C2CD4A: variants seen among roughly 807,000 people sequenced by gnomAD.
C2CD4A encodes the protein C2 calcium-dependent domain-containing protein 4A.
A neutral mutation model predicts 0.4 loss-of-function variants in C2CD4A; 2 were observed. That is an observed-to-expected ratio of 4.45 (90% confidence interval 1.82 to 13.99). The LOEUF (loss-of-function observed/expected upper bound fraction) is 13.99, where lower values mean the gene tolerates loss of function less well. Among genes scored for constraint, C2CD4A ranks in the 30% most tolerant of loss-of-function variants. The pLI is 0.04. For missense variants in C2CD4A, 610 were observed against 574.2 expected, an observed-to-expected ratio of 1.06 and a Z score of -0.64; for synonymous variants, 297 against 280.8, an observed-to-expected ratio of 1.06 and a Z score of -0.58.
chr15:62,070,313 T>G lies in C2CD4A; in HGVS notation c.*1590T>G, dbSNP rs2049075631. The G allele has an allele frequency of 9.7e-6, 4 of 413,106 alleles. No homozygotes were observed. Among genetic ancestry groups the G allele is most frequent in the Non-Finnish European group, 1.8e-5 (4 of 226,174 alleles). 25.6% of individuals were successfully genotyped at this position (413,106 alleles called of 1,614,324 possible). Reference sequence around the variant, plus strand: ...GTTTCTGCTTTATTTTATTTCATTTTATCTTTTAGAAACAAGGCGTCACTC... The same window carrying G: ...GTTTCTGCTTTATTTTATTTCATTTGATCTTTTAGAAACAAGGCGTCACTC... On this transcript the variant is annotated 3_prime_UTR_variant, in exon 2 of 2. Transcript: ENST00000355522.
rs1347260393 is a variant in C2CD4A, at chr15:62,070,197, C to G, written c.*1474C>G. 1 of 411,696 alleles carries G rather than the reference C, an allele frequency of 2.4e-6. No individual in the cohort carries two copies. The highest frequency in any genetic ancestry group is 3.6e-5 in the East Asian group (1 of 28,008). The allele number at this position is 411,696 out of a possible 1,614,324, so 25.5% of individuals were successfully genotyped here. A position where few individuals can be genotyped will look rare whatever the true frequency, so the allele number is the denominator to read the frequency against. ...TTTTTTTTATGCAAATAGGAAAATG[C>G]ATCCTAAATGAGGGTTTAAAAAATT... On this transcript the variant is annotated 3_prime_UTR_variant, in exon 2 of 2. Transcript: ENST00000355522.
chr15:62,068,407 C>T lies in C2CD4A; in HGVS notation c.794C>T (p.Pro265Leu), dbSNP rs1437087276. 1.5e-5 allele frequency: 21 copies of T among 1,400,512 alleles called. No individual in the cohort carries two copies. The highest frequency in any genetic ancestry group is 1.7e-5 in the Non-Finnish European group (19 of 1,086,836). The allele number at this position is 1,400,512 out of a possible 1,614,324, so 86.8% of individuals were successfully genotyped here. ...DALRLAAEYC[P>L]GTGRLRLRLL... is the part of the protein sequence containing the mutation. ...CTGCGCCTGGCCGCCGAGTACTGTC[C>T]GGGAACCGGGCGGCTCCGCCTCCGG... Residue 265 changes from proline to leucine, a missense_variant, in exon 2 of 2, where the codon CCG becomes CTG. Pro to Leu is a moderately conservative substitution (Grantham distance 98). Coordinates refer to ENST00000355522, the MANE Select transcript of C2CD4A (RefSeq NM_207322.3).
In C2CD4A at chr15:62,067,869, CG is replaced by C. The variant is rs1344527353; in HGVS notation, c.257del (p.Arg86ProfsTer104). On this transcript the variant is annotated frameshift_variant, in exon 2 of 2. Transcript: ENST00000355522. LOFTEE classifies it low-confidence loss of function (END_TRUNC). Reference protein sequence around the residue: ...EGAGRTDWDPRSQAALSLPHL... With the variant: ...EGAGRTDWDPXSQAALSLPHL... ...CGCCGGCCGCACAGACTGGGACCCG[CG>C]CTCGCAGGCCGCGCTGTCACTGCCG... 1 of 1,606,810 alleles carries C rather than the reference CG, an allele frequency of 6.2e-7. No individual in the cohort carries two copies. Among genetic ancestry groups the C allele is most frequent in the Non-Finnish European group, 8.5e-7 (1 of 1,179,072 alleles).
rs1346979969 is a variant in C2CD4A, at chr15:62,068,344, C to T, written c.731C>T (p.Ala244Val). The T allele has an allele frequency of 2.1e-6, 3 of 1,409,080 alleles. No individual in the cohort carries two copies. Among genetic ancestry groups the T allele is most frequent in the Non-Finnish European group, 2.8e-6 (3 of 1,082,280 alleles). 87.3% of individuals were successfully genotyped at this position (1,409,080 alleles called of 1,614,324 possible). The change falls in exon 2 of 2, where the codon GCC (alanine) becomes GTC (valine). Residue 244 changes from alanine (A) to valine (V), a missense_variant. Ala to Val is a moderately conservative substitution (Grantham distance 64). Coordinates refer to ENST00000355522, the MANE Select transcript of C2CD4A (RefSeq NM_207322.3). ...GTCCCGTTTCCCGAGCGCCTGGAGG[C>T]CGAGGGCACCGTGGCTCTGGGCCGC... ...SRVPFPERLE[A>V]EGTVALGRAG...
At chr15:62,067,410 T>C (rs1409354694) in intron 1 of C2CD4A, among the ~76,000 whole-genome samples, 175 bp from the exon 2 acceptor site, 1 of 152,168 alleles carries the variant, frequency 6.6e-6, no homozygotes, top group Admixed American at 6.5e-5. Flanking sequence ...AGAAAAACAG[T>C]TGTTTTTCGC....
Position 62,068,028 on chromosome 15 carries a change from G to A in C2CD4A, c.415G>A (p.Gly139Ser), listed in dbSNP as rs1596557127. ...RPRAHTYGGG[G>S]GPDALLGTLR... ...CCGGGCCCACACCTACGGCGGCGGC[G>A]GCGGCCCGGACGCCCTCCTGGGGAC... Residue 139 changes from glycine (G) to serine (S), a missense_variant, in exon 2 of 2, where the codon GGC becomes AGC. Transcript: ENST00000355522. 7.8e-7 allele frequency: 1 copy of A among 1,276,674 alleles called. No individual in the cohort carries two copies. The highest frequency in any genetic ancestry group is 3.3e-5 in the East Asian group (1 of 30,294). The allele number at this position is 1,276,674 out of a possible 1,614,324, so 79.1% of individuals were successfully genotyped here. A position where few individuals can be genotyped will look rare whatever the true frequency, so the allele number is the denominator to read the frequency against.
Position 62,068,221 on chromosome 15 carries a change from G to C in C2CD4A, c.608G>C (p.Arg203Pro), listed in dbSNP as rs1403130706. 5 of 1,369,078 alleles carry C rather than the reference G, an allele frequency of 3.7e-6. No individual in the cohort carries two copies. Among genetic ancestry groups the C allele is most frequent in the Non-Finnish European group, 3.8e-6 (4 of 1,059,596 alleles). The allele number at this position is 1,369,078 out of a possible 1,614,324, so 84.8% of individuals were successfully genotyped here. A position where few individuals can be genotyped will look rare whatever the true frequency, so the allele number is the denominator to read the frequency against. ...GCTGGGAGGAGTCGCCGCCTGACCC[G>C]CGTCCGCTCCGTCTCCAGCGGGAAC... ...LRAGRSRRLT[R>P]VRSVSSGNED... The change falls in exon 2 of 2, where the codon CGC becomes CCC. Residue 203 changes from arginine (R) to proline (P), a missense_variant. Arg to Pro is a moderately radical substitution (Grantham distance 103). Transcript: ENST00000355522.
In C2CD4A at chr15:62,068,406, C is replaced by G; in HGVS notation, c.793C>G (p.Pro265Ala). The part of the protein sequence containing the change: ...DALRLAAEYC[P>A]GTGRLRLRLL... ...CCTGCGCCTGGCCGCCGAGTACTGT[C>G]CGGGAACCGGGCGGCTCCGCCTCCG... Residue 265 changes from proline (P) to alanine (A), a missense_variant, in exon 2 of 2, where the codon CCG becomes GCG. Coordinates refer to ENST00000355522, the MANE Select transcript of C2CD4A (RefSeq NM_207322.3). 2 of 1,400,762 alleles carry G rather than the reference C, an allele frequency of 1.4e-6. No individual in the cohort carries two copies. The highest frequency in any genetic ancestry group is 1.8e-6 in the Non-Finnish European group (2 of 1,086,850). The allele number at this position is 1,400,762 out of a possible 1,614,324, so 86.8% of individuals were successfully genotyped here.
At position 62,070,157 on chromosome 15, in the gene C2CD4A, C is replaced by A; in HGVS notation, c.*1434C>A. Reference sequence around the variant, plus strand: ...CCTCATCCCTTGAATTCACTGCCAGCAGGGCATTTTTTTCTTTTTTTTATG... The same window carrying A: ...CCTCATCCCTTGAATTCACTGCCAGAAGGGCATTTTTTTCTTTTTTTTATG... On this transcript the variant is annotated 3_prime_UTR_variant, in exon 2 of 2. Transcript: ENST00000355522. 2 of 406,644 alleles carry A rather than the reference C, an allele frequency of 4.9e-6. No homozygotes were observed. The highest frequency in any genetic ancestry group is 9.0e-6 in the Non-Finnish European group (2 of 222,830). The allele number at this position is 406,644 out of a possible 1,614,324, so 25.2% of individuals were successfully genotyped here.
rs771116759 is a variant in C2CD4A, at chr15:62,067,580, T to A, written c.-29-5T>A. 1.0e-5 allele frequency: 16 copies of A among 1,552,522 alleles called. No individual in the cohort carries two copies. Among genetic ancestry groups the A allele is most frequent in the Non-Finnish European group, 1.4e-5 (16 of 1,151,930 alleles). On this transcript the variant is annotated splice_polypyrimidine_tract_variant and splice_region_variant and intron_variant, in intron 1 of 1. Coordinates refer to ENST00000355522, the MANE Select transcript of C2CD4A (RefSeq NM_207322.3). ...TGACGATCCTTGTGCCTTTGTGCACTGCAGGTAGACAAGCTCCAGCAGAGA... is the reference window on the plus strand; with the variant it reads ...TGACGATCCTTGTGCCTTTGTGCACAGCAGGTAGACAAGCTCCAGCAGAGA...
rs2049075363 is a variant in C2CD4A at position 62,070,214 on chromosome 15, T to G, written c.*1491T>G. 2 of 412,772 alleles carry G rather than the reference T, an allele frequency of 4.8e-6. No homozygotes were observed. The highest frequency in any genetic ancestry group is 8.8e-6 in the Non-Finnish European group (2 of 226,036). 25.6% of individuals were successfully genotyped at this position (412,772 alleles called of 1,614,324 possible). On this transcript the variant is annotated 3_prime_UTR_variant, in exon 2 of 2. Coordinates refer to ENST00000355522, the MANE Select transcript of C2CD4A (RefSeq NM_207322.3). Reference sequence around the variant, plus strand: ...GGAAAATGCATCCTAAATGAGGGTTTAAAAAATTGAAAATATTTAAATATA... The same window carrying G: ...GGAAAATGCATCCTAAATGAGGGTTGAAAAAATTGAAAATATTTAAATATA...
rs182526319 is a variant in C2CD4A at position 62,070,331 on chromosome 15, C to T, written c.*1608C>T. The T allele has an allele frequency of 1.2e-4, 50 of 413,142 alleles. No homozygotes were observed. Among genetic ancestry groups the T allele is most frequent in the Non-Finnish European group, 1.9e-4 (44 of 226,140 alleles). The allele number at this position is 413,142 out of a possible 1,614,324, so 25.6% of individuals were successfully genotyped here. A position where few individuals can be genotyped will look rare whatever the true frequency, so the allele number is the denominator to read the frequency against. ...TTCATTTTATCTTTTAGAAACAAGG[C>T]GTCACTCTGTCACCCAGGCTGGAGT... On this transcript the variant is annotated 3_prime_UTR_variant, in exon 2 of 2. Coordinates refer to ENST00000355522, the MANE Select transcript of C2CD4A (RefSeq NM_207322.3).
chr15:62,067,362 C>G (rs1346966910), intron 1 of C2CD4A, among the ~76,000 whole-genome samples: 1 of 152,118 alleles, frequency 6.6e-6, no homozygotes, highest in Non-Finnish European at 1.5e-5. Flanking sequence ...AAAACAAGCT[C>G]CGAAGTGTGT....
In C2CD4A at chr15:62,067,678, T is replaced by TCC. The variant is rs1256115531; in HGVS notation, c.67_68dup (p.Gly24ArgfsTer167). The TCC allele has an allele frequency of 1.2e-6, 2 of 1,607,568 alleles. No homozygotes were observed. Among genetic ancestry groups the TCC allele is most frequent in the Non-Finnish European group, 1.7e-6 (2 of 1,179,748 alleles). ...CTTCGGCGGAGCGGAGACTGGCTTCTCCCGGGTCGGGCCCGCGGAGCCAAG... is the reference window on the plus strand; with the variant it reads ...CTTCGGCGGAGCGGAGACTGGCTTCTCCCCCGGGTCGGGCCCGCGGAGCCAAG... On this transcript the variant is annotated frameshift_variant, in exon 2 of 2. Coordinates refer to ENST00000355522, the MANE Select transcript of C2CD4A (RefSeq NM_207322.3).
In C2CD4A at chr15:62,068,713, T is replaced by A. The variant is rs757688339; in HGVS notation, c.1100T>A (p.Leu367Gln). The A allele has an allele frequency of 7.3e-6, 11 of 1,510,628 alleles. No homozygotes were observed. The highest frequency in any genetic ancestry group is 8.9e-6 in the Non-Finnish European group (10 of 1,126,208). The allele number at this position is 1,510,628 out of a possible 1,614,324, so 93.6% of individuals were successfully genotyped here. A position where few individuals can be genotyped will look rare whatever the true frequency, so the allele number is the denominator to read the frequency against. Residue 367 changes from leucine (L) to glutamine (Q), a missense_variant, in exon 2 of 2, where the codon CTG becomes CAG. Transcript: ENST00000355522. ...GGTGAGCTGTCCCTGGGCGCCCTCC[T>A]GCTGCTCTGAGGGCCCAGCCCTCCC... ...GQGELSLGAL[L>Q]LL
Position 62,068,717 on chromosome 15 carries a change from G to T in C2CD4A, c.1104G>T (p.Leu368=), listed in dbSNP as rs1157586485. ...AGCTGTCCCTGGGCGCCCTCCTGCT[G>T]CTCTGAGGGCCCAGCCCTCCCCGGG... ...QGELSLGALL[L]L is the part of the protein sequence containing the mutation. The change falls in exon 2 of 2, where the codon CTG becomes CTT. Residue 368 remains leucine, a synonymous_variant. Coordinates refer to ENST00000355522, the MANE Select transcript of C2CD4A (RefSeq NM_207322.3). The T allele has an allele frequency of 2.7e-6, 4 of 1,499,786 alleles. No homozygotes were observed. Among genetic ancestry groups the T allele is most frequent in the African/African-American group, 1.4e-5 (1 of 70,708 alleles). The allele number at this position is 1,499,786 out of a possible 1,614,324, so 92.9% of individuals were successfully genotyped here.
In C2CD4A at chr15:62,068,969, A is replaced by G. The variant is rs2140847488; in HGVS notation, c.*246A>G. On this transcript the variant is annotated 3_prime_UTR_variant, in exon 2 of 2. Coordinates refer to ENST00000355522, the MANE Select transcript of C2CD4A (RefSeq NM_207322.3). ...ATATAGACAGCCATTTGCATACCAT[A>G]TGTACCACACACGCCTAGGAAATAA... 2 of 443,404 alleles carry G rather than the reference A, an allele frequency of 4.5e-6. No individual in the cohort carries two copies. Among genetic ancestry groups the G allele is most frequent in the African/African-American group, 2.0e-5 (1 of 49,004 alleles). The allele number at this position is 443,404 out of a possible 1,614,324, so 27.5% of individuals were successfully genotyped here.
In C2CD4A at chr15:62,068,587, G is replaced by T; in HGVS notation, c.974G>T (p.Cys325Phe). The T allele has an allele frequency of 1.3e-6, 2 of 1,572,258 alleles. No homozygotes were observed. Among genetic ancestry groups the T allele is most frequent in the Non-Finnish European group, 1.7e-6 (2 of 1,159,046 alleles). Reference sequence around the variant, plus strand: ...AAGGCCTCCTTTGACCAGGACTTCTGCTTCGACGGCCTCTCGGAGGACGAA... The same window carrying T: ...AAGGCCTCCTTTGACCAGGACTTCTTCTTCGACGGCCTCTCGGAGGACGAA... ...SRKASFDQDF[C>F]FDGLSEDEVR... The change falls in exon 2 of 2, where the codon TGC becomes TTC. Residue 325 changes from cysteine (C) to phenylalanine (F), a missense_variant. By Grantham distance (205) the Cys-to-Phe change is radical. Coordinates refer to ENST00000355522, the MANE Select transcript of C2CD4A (RefSeq NM_207322.3).
rs181983978 is a variant in C2CD4A, at chr15:62,070,038, A to G, written c.*1315A>G. The G allele has an allele frequency of 1.8e-5, 5 of 276,342 alleles. No homozygotes were observed. The Admixed American group carries it at 2.7e-4, about 15-fold the overall frequency. The allele number at this position is 276,342 out of a possible 1,614,324, so 17.1% of individuals were successfully genotyped here. ...TAACCAGGTGAGTTTATCTGCTGGA[A>G]CAGGCAGTGGAGAGTGTACAGATAG... On this transcript the variant is annotated 3_prime_UTR_variant, in exon 2 of 2. Transcript: ENST00000355522.
Sources: gnomAD v4.1 joint callset for allele counts (sites outside exome capture counted in the v4.1 genomes callset) on GRCh38, gnomAD v4.1.1 for gene constraint, MANE v1.5 for transcripts, NCBI Gene and HGNC (gene_info 2026-07-23, HGNC 2026-07-21) for gene names.